SRP9: variants seen among roughly 807,000 people sequenced by gnomAD.
SRP9 encodes the protein signal recognition particle 9.
SRP9 carries 2 observed loss-of-function variants against 11.7 expected under a neutral mutation model. That is an observed-to-expected ratio of 0.17 (90% CI 0.07 to 0.54). The LOEUF is 0.54. SRP9 is among the 20% of genes least tolerant of loss of function. The pLI, the probability that SRP9 is intolerant of heterozygous loss-of-function variation, is 0.94. For missense variants in SRP9, 54 were observed against 108.1 expected (o/e 0.50, Z 2.22); for synonymous variants, 27 against 35.6 (o/e 0.76, Z 0.86).
intron 1 of SRP9, among the ~76,000 whole-genome samples, chr1:225,780,869 G>T (rs1665780864): frequency 6.6e-6 from 1 of 152,124 alleles, no homozygotes; most frequent in African/African-American, 2.4e-5. Context: ...CCTCTTTGTT[G>T]GTCTGTCAGC....
At chr1:225,787,749 G>T (rs1249643118) in intron 2 of SRP9, among the ~76,000 whole-genome samples, 1 of 152,118 alleles carries the variant, frequency 6.6e-6, no homozygotes, top group Non-Finnish European at 1.5e-5. Context: ...TTTTCTGTCA[G>T]AAATTTCAGT....
At chr1:225,785,826 G>T (rs1050893736) in intron 2 of SRP9, among the ~76,000 whole-genome samples, 6 of 152,076 alleles carry the variant, frequency 3.9e-5, no homozygotes, top group Non-Finnish European at 7.4e-5. Context: ...GGGATTACAG[G>T]TGGGCACCAC....
At chr1:225,781,384 CT>C (rs1348152837) in intron 1 of SRP9, among the ~76,000 whole-genome samples, 1 of 125,464 alleles carries the variant, frequency 8.0e-6, no homozygotes, top group Non-Finnish European at 1.7e-5. Flanking sequence ...GGCCTTTTTT[CT>C]TTTCTTTTTC....
In SRP9 at chr1:225,778,880, T is replaced by G. The variant is rs1365970469; in HGVS notation, c.72+868T>G. Among the ~76,000 whole-genome samples, 8 of 152,338 alleles carry G rather than the reference T, an allele frequency of 5.3e-5. No homozygotes were observed. In the East Asian group the frequency reaches 1.2e-3, roughly 22 times the overall value. On this transcript the variant is annotated intron_variant, in intron 1 of 2. Coordinates refer to ENST00000304786, the MANE Select transcript of SRP9 (RefSeq NM_003133.6). Reference sequence around the variant, plus strand: ...CTCAGACCTGGTTATGTATGATGCTTCTTTTGTTTTGTGTTTGTTGTAACT... The same window carrying G: ...CTCAGACCTGGTTATGTATGATGCTGCTTTTGTTTTGTGTTTGTTGTAACT...
intron 2 of SRP9, among the ~76,000 whole-genome samples, chr1:225,783,677 C>T (rs1446075081): frequency 6.6e-6 from 1 of 152,202 alleles, no homozygotes; most frequent in Non-Finnish European, 1.5e-5. Flanking sequence ...AGTGTTTGAA[C>T]ACAACTTACA....
At chr1:225,785,452 G>A (rs557895425) in intron 2 of SRP9, among the ~76,000 whole-genome samples, 4 of 149,294 alleles carry the variant, frequency 2.7e-5, no homozygotes, top group South Asian at 2.1e-4. Context: ...GCGCAATCTC[G>A]GCTCACTGCA....
intron 1 of SRP9, among the ~76,000 whole-genome samples, chr1:225,781,512 G>A (rs915069333): frequency 2.7e-5 from 4 of 146,020 alleles, no homozygotes; most frequent in African/African-American, 7.6e-5. Context: ...CGATTCTCCT[G>A]CCTCAGCCTC....
intron 2 of SRP9, among the ~76,000 whole-genome samples, chr1:225,787,645 A>G (rs1665944854): frequency 6.6e-6 from 1 of 152,182 alleles, no homozygotes; most frequent in Non-Finnish European, 1.5e-5. Context: ...TTAAGGATCC[A>G]TGTTAACTTC....
At chr1:225,781,703 G>A (rs1405380111) in intron 1 of SRP9, among the ~76,000 whole-genome samples, 1 of 151,964 alleles carries the variant, frequency 6.6e-6, no homozygotes, top group African/African-American at 2.4e-5. Context: ...GCCATGATTG[G>A]CCTTTTAACT....
intron 1 of SRP9, among the ~76,000 whole-genome samples, chr1:225,778,689 G>A (rs544777581): frequency 5.9e-5 from 9 of 152,324 alleles, no homozygotes; most frequent in African/African-American, 1.9e-4. Flanking sequence ...AAAAAGCAAA[G>A]GAGTCCAAGT....
At position 225,789,547 on chromosome 1, in the gene SRP9, C is replaced by T. The variant is rs1050676068; in HGVS notation, c.*188C>T. Reference sequence around the variant, plus strand: ...ATGCAAATGTTTTCAGTTAGAAAGCCTTTATTTACTTTTGGAAATTGAACA... The same window carrying T: ...ATGCAAATGTTTTCAGTTAGAAAGCTTTTATTTACTTTTGGAAATTGAACA... On this transcript the variant is annotated 3_prime_UTR_variant, in exon 3 of 3. Coordinates refer to ENST00000304786, the MANE Select transcript of SRP9 (RefSeq NM_003133.6). 7 of 501,410 alleles carry T rather than the reference C, an allele frequency of 1.4e-5. No individual in the cohort carries two copies. The highest frequency in any genetic ancestry group is 1.2e-4 in the African/African-American group (6 of 50,434). 31.1% of individuals were successfully genotyped at this position (501,410 alleles called of 1,614,324 possible). A position where few individuals can be genotyped will look rare whatever the true frequency, so the allele number is the denominator to read the frequency against.
At position 225,783,306 on chromosome 1, in the gene SRP9, G is replaced by A; in HGVS notation, c.79G>A (p.Val27Met). ...LYLADPMKAR[V>M]VLKYRHSDGN... ...ATATGTATTTTTGTTTCAGGCACGT[G>A]TGGTTCTCAAATATAGGCATTCTGA... The change falls in exon 2 of 3, where the codon GTG becomes ATG. Residue 27 changes from valine (V) to methionine (M), a missense_variant. Transcript: ENST00000304786. 6.2e-7 allele frequency: 1 copy of A among 1,611,850 alleles called. No individual in the cohort carries two copies. Among genetic ancestry groups the A allele is most frequent in the Non-Finnish European group, 8.5e-7 (1 of 1,178,608 alleles).
chr1:225,777,878 A>G lies in SRP9; in HGVS notation c.-63A>G. On this transcript the variant is annotated 5_prime_UTR_variant, in exon 1 of 3. Coordinates refer to ENST00000304786, the MANE Select transcript of SRP9 (RefSeq NM_003133.6). ...GCGTCGGTTGGCGACTCCCGGACGT[A>G]GGTAGTTTGTTGGGCCGGGTTCTGA... 6.7e-7 allele frequency: 1 copy of G among 1,487,796 alleles called. No homozygotes were observed. The highest frequency in any genetic ancestry group is 9.3e-7 in the Non-Finnish European group (1 of 1,075,190). The allele number at this position is 1,487,796 out of a possible 1,614,324, so 92.2% of individuals were successfully genotyped here.
chr1:225,784,142 G>C (rs1665850141), intron 2 of SRP9, among the ~76,000 whole-genome samples: 1 of 136,776 alleles, frequency 7.3e-6, no homozygotes, highest in Non-Finnish European at 1.5e-5. Flanking sequence ...TGTGTGTTTA[G>C]TTCATATTCT....
At chr1:225,785,141 G>T (rs1419183260) in intron 2 of SRP9, among the ~76,000 whole-genome samples, 1 of 151,278 alleles carries the variant, frequency 6.6e-6, no homozygotes, top group East Asian at 2.0e-4. Context: ...GGCGATCTCT[G>T]CTCACTGCAG....
intron 2 of SRP9, among the ~76,000 whole-genome samples, chr1:225,785,888 G>A (rs555238110): frequency 3.3e-4 from 50 of 151,894 alleles, no homozygotes; most frequent in African/African-American, 1.2e-3. Context: ...TCACCATGTC[G>A]CCCAGGCGGC....
intron 1 of SRP9, among the ~76,000 whole-genome samples, chr1:225,782,574 G>T (rs919497179): frequency 6.6e-6 from 1 of 152,202 alleles, no homozygotes; most frequent in Non-Finnish European, 1.5e-5. Context: ...AATAATGTTC[G>T]TGGAAGTGTT....
chr1:225,785,699 T>TA (rs1553481302), intron 2 of SRP9, among the ~76,000 whole-genome samples: 1 of 149,414 alleles, frequency 6.7e-6, no homozygotes, highest in African/African-American at 2.5e-5. Context: ...TTTTTTTTTT[T>TA]AAAGAAGGAG....
At chr1:225,782,737 C>G (rs1665824642) in intron 1 of SRP9, among the ~76,000 whole-genome samples, 1 of 152,186 alleles carries the variant, frequency 6.6e-6, no homozygotes, top group Admixed American at 6.5e-5. Flanking sequence ...AGGCAGAATT[C>G]TGCTTTTATG....
Sources: gnomAD v4.1 joint callset for allele counts (sites outside exome capture counted in the v4.1 genomes callset) on GRCh38, gnomAD v4.1.1 for gene constraint, MANE v1.5 for transcripts, NCBI Gene and HGNC (gene_info 2026-07-23, HGNC 2026-07-21) for gene names.